Variants in ANTXR1 observed in about 807,000 individuals in gnomAD.
The protein encoded by ANTXR1 is ANTXR cell adhesion molecule 1.
In ANTXR1, 19 loss-of-function variants were observed where a neutral mutation model predicts 78.1. The observed-to-expected ratio is 0.24, with a 90% confidence interval of 0.17 to 0.36. ANTXR1 has a LOEUF of 0.36. ANTXR1 is among the 10% of genes least tolerant of loss of function. The pLI is 1.00. For synonymous variants in ANTXR1, 273 were observed against 260.5 expected (o/e 1.05, Z -0.46); for missense variants, 518 against 718.6 (o/e 0.72, Z 3.19).
intron 13 of ANTXR1, among the ~76,000 whole-genome samples, chr2:69,154,994 C>T (rs1237486240): frequency 6.6e-6 from 1 of 152,188 alleles, no homozygotes; most frequent in Non-Finnish European, 1.5e-5. Context: ...ACAGGGGCTG[C>T]TATCAGGCCT....
intron 17 of ANTXR1, among the ~76,000 whole-genome samples, chr2:69,218,170 G>C (rs980603473): frequency 6.6e-6 from 1 of 152,134 alleles, no homozygotes; most frequent in Non-Finnish European, 1.5e-5. Context: ...CCTGGCCCTC[G>C]TGTGAAAACT....
At chr2:69,164,642 AG>A (rs1245698029) in intron 13 of ANTXR1, among the ~76,000 whole-genome samples, 1 of 152,216 alleles carries the variant, frequency 6.6e-6, no homozygotes, top group African/African-American at 2.4e-5. Context: ...CCTAATTCCC[AG>A]GGAGCCATCT....
chr2:69,071,827 C>T (rs755924381), intron 5 of ANTXR1, 40 bp downstream of exon 5: 15 of 1,590,930 alleles, frequency 9.4e-6, no homozygotes, highest in Non-Finnish European at 1.3e-5. Context: ...AATTATTTAA[C>T]TTTTTCCGTG....
At position 69,040,057 on chromosome 2, in the gene ANTXR1, C is replaced by T. The variant is rs201515528; in HGVS notation, c.166C>T (p.Leu56=). Residue 56 remains leucine, a synonymous_variant, in exon 2 of 18, where the codon CTG becomes TTG. Coordinates refer to ENST00000303714, the MANE Select transcript of ANTXR1 (RefSeq NM_032208.3). ...YFILDKSGSV[L]HHWNEIYYFV... is the part of the protein sequence containing the mutation. ...TTGTTTTCCTAGATCAGGAAGTGTG[C>T]TGCACCACTGGAATGAAATCTATTA... The T allele has an allele frequency of 1.3e-5, 21 of 1,613,238 alleles. 1 individual carries two copies. Among genetic ancestry groups the T allele is most frequent in the Middle Eastern group, 1.7e-4 (1 of 6,056 alleles).
chr2:69,024,678 A>G (rs11885134), intron 1 of ANTXR1, among the ~76,000 whole-genome samples: 43,336 of 152,016 alleles, frequency 0.29, 12,014 homozygotes, highest in African/African-American at 0.69. Flanking sequence ...AGCCAGAGAT[A>G]TGAGAGTAAT....
intron 1 of ANTXR1, among the ~76,000 whole-genome samples, chr2:69,038,585 T>C (rs925926597): frequency 2.6e-5 from 4 of 152,238 alleles, no homozygotes; most frequent in African/African-American, 4.8e-5. Context: ...TAACTTATTT[T>C]CCCATTTTTT....
intron 17 of ANTXR1, among the ~76,000 whole-genome samples, chr2:69,219,630 A>C (rs1283307684): frequency 6.6e-6 from 1 of 152,204 alleles, no homozygotes; most frequent in Non-Finnish European, 1.5e-5. Context: ...TGTGTATCAC[A>C]AACCTTTCTG....
intron 7 of ANTXR1, 71 bp downstream of exon 7, chr2:69,075,729 T>G (rs1396685210): frequency 5.8e-6 from 8 of 1,375,584 alleles, no homozygotes; most frequent in Non-Finnish European, 8.3e-6. Context: ...GTTCAGTCAG[T>G]GCAGAGGGAA....
chr2:69,201,869 C>T (rs557861535), intron 17 of ANTXR1, among the ~76,000 whole-genome samples: 32 of 152,276 alleles, frequency 2.1e-4, no homozygotes, highest in Admixed American at 7.2e-4. Flanking sequence ...AAAGGACCTG[C>T]AGCAGGTCAG....
intron 12 of ANTXR1, among the ~76,000 whole-genome samples, chr2:69,136,133 C>T (rs554085919): frequency 5.4e-4 from 82 of 152,128 alleles, no homozygotes; most frequent in Non-Finnish European, 1.0e-3. Flanking sequence ...ACCACAGATA[C>T]ATCTGAAATG....
intron 1 of ANTXR1, among the ~76,000 whole-genome samples, chr2:69,036,918 A>G (rs1669451137): frequency 6.6e-6 from 1 of 152,212 alleles, no homozygotes; most frequent in South Asian, 2.1e-4. Context: ...GACCTGAAGT[A>G]TACAAGTGAA....
intron 16 of ANTXR1, among the ~76,000 whole-genome samples, chr2:69,189,645 A>G (rs540769653): frequency 6.6e-6 from 1 of 152,196 alleles, no homozygotes; most frequent in Non-Finnish European, 1.5e-5. Context: ...GTGGTGGGTC[A>G]GGGGTGGATG....
At chr2:69,083,949 A>G (rs1670969300) in intron 8 of ANTXR1, among the ~76,000 whole-genome samples, 1 of 152,254 alleles carries the variant, frequency 6.6e-6, no homozygotes, top group African/African-American at 2.4e-5. Context: ...CACTCAGACC[A>G]GGCATTTCTC....
At chr2:69,051,352 T>C (rs1269585786) in intron 3 of ANTXR1, among the ~76,000 whole-genome samples, 2 of 152,188 alleles carry the variant, frequency 1.3e-5, no homozygotes, top group Admixed American at 6.5e-5. Flanking sequence ...AAATTGTACT[T>C]TAAATCTGAT....
rs1301745969 is a variant in ANTXR1, at chr2:69,077,395, G to A, written c.562-13G>A. The A allele has an allele frequency of 6.2e-7, 1 of 1,614,030 alleles. No homozygotes were observed. The highest frequency in any genetic ancestry group is 2.2e-5 in the East Asian group (1 of 44,868). On this transcript the variant is annotated splice_polypyrimidine_tract_variant and intron_variant, in intron 7 of 17. Coordinates refer to ENST00000303714, the MANE Select transcript of ANTXR1 (RefSeq NM_032208.3). ...AGTCTCCCCATGTGTTTGTGTATTT[G>A]CTGTGTTCTCAGCTGGCCCGGATTG...
chr2:69,035,522 C>A (rs953254897), intron 1 of ANTXR1, among the ~76,000 whole-genome samples: 1 of 152,166 alleles, frequency 6.6e-6, no homozygotes, highest in African/African-American at 2.4e-5. Flanking sequence ...CCCTTGGAAT[C>A]CCAGGGTAAC....
chr2:69,022,350 A>G (rs1671215901), intron 1 of ANTXR1, among the ~76,000 whole-genome samples: 1 of 152,204 alleles, frequency 6.6e-6, no homozygotes, highest in African/African-American at 2.4e-5. Flanking sequence ...CTTGCTTTCT[A>G]AATACCATTA....
At chr2:69,073,571 G>A (rs1018654295) in intron 6 of ANTXR1, among the ~76,000 whole-genome samples, 1 of 152,184 alleles carries the variant, frequency 6.6e-6, no homozygotes, top group Non-Finnish European at 1.5e-5. Flanking sequence ...GCAGTTGGTA[G>A]CAAAGTTAAA....
At chr2:69,198,567 C>T (rs1396667333) in intron 17 of ANTXR1, among the ~76,000 whole-genome samples, 1 of 152,092 alleles carries the variant, frequency 6.6e-6, no homozygotes, top group African/African-American at 2.4e-5. Flanking sequence ...TAATATATGT[C>T]CAAAGTTTTT....
Sources: gnomAD v4.1 joint callset for allele counts (sites outside exome capture counted in the v4.1 genomes callset) on GRCh38, gnomAD v4.1.1 for gene constraint, MANE v1.5 for transcripts, NCBI Gene and HGNC (gene_info 2026-07-23, HGNC 2026-07-21) for gene names.